The following GLI2 variants were observed in gnomAD, a reference collection of about 807,000 sequenced individuals.
GLI2 encodes the protein transcription activator GLI2.
Under a neutral mutation model 78.9 loss-of-function variants are expected in GLI2, and 22 were observed. The ratio of observed to expected loss-of-function variants is 0.28; its 90% CI spans 0.20 to 0.40. The LOEUF (loss-of-function observed/expected upper bound fraction) is 0.40. GLI2 is among the 10% of genes least tolerant of loss of function. The pLI is 1.00. For missense variants in GLI2, 2,097 were observed against 2,213.2 expected (o/e 0.95, Z 1.05); for synonymous variants, 974 against 963.7 (o/e 1.01, Z -0.20).
intron 2 of GLI2, among the ~76,000 whole-genome samples, chr2:120,807,540 T>C (rs1685019584): frequency 6.6e-6 from 1 of 152,194 alleles, no homozygotes; most frequent in Non-Finnish European, 1.5e-5. Context: ...GTCTCTATAA[T>C]GAGTTAGCAG....
At chr2:120,884,170 C>T (rs757906725) in intron 2 of GLI2, among the ~76,000 whole-genome samples, 1 of 152,180 alleles carries the variant, frequency 6.6e-6, no homozygotes, top group Non-Finnish European at 1.5e-5. Context: ...GGGGAGAGAG[C>T]GCCCATCCTT....
chr2:120,776,325 C>T (rs1683676025), intron 1 of GLI2, among the ~76,000 whole-genome samples: 1 of 152,214 alleles, frequency 6.6e-6, no homozygotes, highest in African/African-American at 2.4e-5. Flanking sequence ...GCTCCTGACT[C>T]CTTCCAGTCT....
At chr2:120,955,552 A>G (rs113470019) in intron 5 of GLI2, 122 bp downstream of exon 5, 28 of 657,872 alleles carry the variant, frequency 4.3e-5, no homozygotes, top group Non-Finnish European at 4.6e-5. Context: ...CTGTACCCCA[A>G]TGCCTTCCAG....
At chr2:120,915,288 G>C (rs187080204) in intron 2 of GLI2, among the ~76,000 whole-genome samples, 1 of 152,370 alleles carries the variant, frequency 6.6e-6, no homozygotes, top group Admixed American at 6.5e-5. Context: ...GGGCAGGCCT[G>C]ATTGCGTGAG....
chr2:120,944,431 T>C (rs1219032293), intron 3 of GLI2, among the ~76,000 whole-genome samples: 3 of 152,228 alleles, frequency 2.0e-5, no homozygotes, highest in South Asian at 2.1e-4. Flanking sequence ...CACATAGCAC[T>C]GAGGCTGCAA....
chr2:120,747,421 G>T (rs1408431096), intron 1 of GLI2, among the ~76,000 whole-genome samples: 1 of 152,160 alleles, frequency 6.6e-6, no homozygotes, highest in African/African-American at 2.4e-5. Context: ...GCGGAGGCAG[G>T]TTTGCTGACC....
intron 5 of GLI2, among the ~76,000 whole-genome samples, chr2:120,960,151 G>A (rs553052777): frequency 6.6e-6 from 1 of 152,328 alleles, no homozygotes; most frequent in Non-Finnish European, 1.5e-5. Flanking sequence ...CGCATCATGA[G>A]CAGCACACAA....
chr2:120,990,752 C>A lies in GLI2; in HGVS notation c.*77C>A. On this transcript the variant is annotated 3_prime_UTR_variant, in exon 14 of 14. Transcript: ENST00000361492. ...AGCCTGGGGATTCCAGCTGTCTTGT[C>A]TTTTTCCAAAAAAGTGTTAAATAGG... The A allele has an allele frequency of 1.5e-6, 2 of 1,303,456 alleles. No individual in the cohort carries two copies. Among genetic ancestry groups the A allele is most frequent in the South Asian group, 2.7e-5 (2 of 74,900 alleles). The allele number at this position is 1,303,456 out of a possible 1,614,324, so 80.7% of individuals were successfully genotyped here. A position where few individuals can be genotyped will look rare whatever the true frequency, so the allele number is the denominator to read the frequency against.
chr2:120,967,820 A>G (rs1681931796), intron 5 of GLI2, among the ~76,000 whole-genome samples: 1 of 152,244 alleles, frequency 6.6e-6, no homozygotes, highest in African/African-American at 2.4e-5. Flanking sequence ...CTCAGTACGC[A>G]GAAGCACCTG....
intron 1 of GLI2, among the ~76,000 whole-genome samples, chr2:120,743,133 A>G (rs1472650741): frequency 1.3e-5 from 2 of 152,236 alleles, no homozygotes; most frequent in African/African-American, 4.8e-5. Flanking sequence ...ATGCATTTAC[A>G]TAATTCCATC....
intron 8 of GLI2, among the ~76,000 whole-genome samples, chr2:120,973,986 G>T (rs976754917): frequency 9.8e-5 from 15 of 152,288 alleles, no homozygotes; most frequent in Middle Eastern, 3.4e-3. Flanking sequence ...GTGGGGGTTA[G>T]GCCTTTTGAG....
intron 2 of GLI2, among the ~76,000 whole-genome samples, chr2:120,881,682 GGGGGAGGATAGTC>G (rs1243013407): frequency 1.1e-4 from 11 of 98,056 alleles, no homozygotes; most frequent in Admixed American, 2.1e-4. Flanking sequence ...ACGGCAGGTG[GGGGGAGGATAGTC>G]GGGAGGACAG....
intron 2 of GLI2, among the ~76,000 whole-genome samples, chr2:120,848,706 A>T (rs1162427322): frequency 1.3e-5 from 2 of 152,132 alleles, no homozygotes; most frequent in African/African-American, 2.4e-5. Flanking sequence ...CAAGAAGGCC[A>T]CCCACACTGG....
At chr2:120,897,876 G>A (rs1678056414) in intron 2 of GLI2, among the ~76,000 whole-genome samples, 2 of 152,106 alleles carry the variant, frequency 1.3e-5, no homozygotes, top group Admixed American at 1.3e-4. Flanking sequence ...TCTTTAAGGT[G>A]CTAAAGTCTC....
intron 2 of GLI2, among the ~76,000 whole-genome samples, chr2:120,894,431 A>T (rs1677839234): frequency 6.6e-6 from 1 of 152,160 alleles, no homozygotes; most frequent in Admixed American, 6.5e-5. Context: ...CCTTGAGTAT[A>T]CGCAGCCTGG....
At chr2:120,828,483 G>A (rs1321218519) in intron 2 of GLI2, among the ~76,000 whole-genome samples, 5 of 152,170 alleles carry the variant, frequency 3.3e-5, no homozygotes, top group African/African-American at 9.7e-5. Flanking sequence ...TATTACAGGC[G>A]GACTGAGGTT....
At chr2:120,780,343 C>T (rs1010640230) in intron 1 of GLI2, among the ~76,000 whole-genome samples, 2 of 152,240 alleles carry the variant, frequency 1.3e-5, no homozygotes, top group South Asian at 2.1e-4. Flanking sequence ...GGCATCTTCC[C>T]CTCTTTCTTG....
In GLI2 at chr2:120,888,300, G is replaced by A. The variant is rs375292690; in HGVS notation, c.149-39061G>A. Reference sequence around the variant, plus strand: ...ATGTTGCTTTCTCGTTTGGCAAGGCGAGAGGTGTTTTTGTTTTATTTTTGG... The same window carrying A: ...ATGTTGCTTTCTCGTTTGGCAAGGCAAGAGGTGTTTTTGTTTTATTTTTGG... On this transcript the variant is annotated intron_variant, in intron 2 of 13. Coordinates refer to ENST00000361492, the MANE Select transcript of GLI2 (RefSeq NM_001374353.1). Among the ~76,000 whole-genome samples, 78 of 152,348 alleles carry A rather than the reference G, an allele frequency of 5.1e-4. 1 individual carries two copies. Among genetic ancestry groups the A allele is most frequent in the African/African-American group, 1.8e-3 (76 of 41,578 alleles).
chr2:120,982,930 G>T, intron 11 of GLI2, 50 bp downstream of exon 11: 1 of 1,566,984 alleles, frequency 6.4e-7, no homozygotes. Context: ...CCCCACTGAC[G>T]CCCCATGGCT....
Sources: allele counts gnomAD v4.1 joint callset (sites outside exome capture counted in the v4.1 genomes callset), GRCh38; gene constraint gnomAD v4.1.1; transcripts MANE v1.5; gene names NCBI Gene and HGNC (gene_info 2026-07-23, HGNC 2026-07-21).